The following SUOX variants were observed in gnomAD, a reference collection of about 807,000 sequenced individuals.
The protein encoded by SUOX is sulfite oxidase.
SUOX carries 39 observed loss-of-function variants against 41.9 expected under a neutral mutation model. The ratio of observed to expected loss-of-function variants is 0.93; its 90% CI spans 0.72 to 1.21. The LOEUF (loss-of-function observed/expected upper bound fraction) is 1.21, where lower values mean the gene tolerates loss of function less well. SUOX is among the 50% of genes most tolerant of loss of function. The pLI is 0.00. For missense variants in SUOX, 633 were observed against 689.5 expected, an observed-to-expected ratio of 0.92 and a Z score of 0.92; for synonymous variants, 220 against 268.4, an observed-to-expected ratio of 0.82 and a Z score of 1.76.
At chr12:55,999,047 C>T (rs1259234820) in intron 2 of SUOX, among the ~76,000 whole-genome samples, 5 of 151,794 alleles carry the variant, frequency 3.3e-5, no homozygotes, top group African/African-American at 9.7e-5. Context: ...CTCCTGGAGT[C>T]AAGTGATCCT....
rs908790049 is a variant in SUOX at position 56,004,669 on chromosome 12, C to T, written c.1280C>T (p.Ser427Leu). The stretch of plus-strand genomic sequence containing the variant: ...TCCATTCAGGAACTTCCTGTCCAGT[C>T]GGCCATCACAGAGCCCCGGGATGGA... ...APSIQELPVQSAITEPRDGET... is the reference protein window; with the variant it reads ...APSIQELPVQLAITEPRDGET... The change falls in exon 5 of 5, where the codon TCG (serine) becomes TTG (leucine). Residue 427 changes from serine (S) to leucine (L), a missense_variant. Physicochemically the swap from Ser to Leu is moderately radical, Grantham distance 145. Coordinates refer to ENST00000266971, the MANE Select transcript of SUOX (RefSeq NM_001032386.2). The surrounding 1 kb of genome is among the most constrained non-coding windows in gnomAD (Gnocchi z 4.5). 1 of 1,613,872 alleles carries T rather than the reference C, an allele frequency of 6.2e-7. No homozygotes were observed. The highest frequency in any genetic ancestry group is 8.5e-7 in the Non-Finnish European group (1 of 1,179,802).
rs1178102765 is a variant in SUOX, at chr12:56,005,521, C to A, written c.*494C>A. The A allele has an allele frequency of 2.0e-5, 6 of 299,374 alleles. No individual in the cohort carries two copies. The highest frequency in any genetic ancestry group is 3.1e-5 in the Non-Finnish European group (5 of 161,680). The allele number at this position is 299,374 out of a possible 1,614,324, so 18.5% of individuals were successfully genotyped here. ...TTCTAATAAATAGTCTGTTTAAGAT[C>A]ATAACTCTTGGGCCTGGGGAGTGAG... On this transcript the variant is annotated 3_prime_UTR_variant, in exon 5 of 5. Transcript: ENST00000266971.
Position 56,005,031 on chromosome 12 carries a change from T to A in SUOX, c.*4T>A, listed in dbSNP as rs775204640. On this transcript the variant is annotated 3_prime_UTR_variant, in exon 5 of 5. Coordinates refer to ENST00000266971, the MANE Select transcript of SUOX (RefSeq NM_001032386.2). ...CCATGTCTATGTCTCCCCATGAGCA[T>A]GGAAAGGAGCCACCTCCACCCCTTT... 1.9e-6 allele frequency: 3 copies of A among 1,609,492 alleles called. No homozygotes were observed. The highest frequency in any genetic ancestry group is 2.5e-6 in the Non-Finnish European group (3 of 1,179,992).
intron 3 of SUOX, 106 bp downstream of exon 3, chr12:56,002,377 A>G: frequency 2.0e-6 from 3 of 1,497,864 alleles, no homozygotes; most frequent in Non-Finnish European, 2.8e-6. Context: ...GAGTGTGTCC[A>G]GGGAGGACAG....
At position 56,004,161 on chromosome 12, in the gene SUOX, A is replaced by T; in HGVS notation, c.772A>T (p.Ile258Phe). 1 of 1,614,140 alleles carries T rather than the reference A, an allele frequency of 6.2e-7. No individual in the cohort carries two copies. Among genetic ancestry groups the T allele is most frequent in the Non-Finnish European group, 8.5e-7 (1 of 1,180,016 alleles). Residue 258 changes from isoleucine (I) to phenylalanine (F), a missense_variant, in exon 5 of 5, where the codon ATC (isoleucine) becomes TTC (phenylalanine). Ile to Phe is a conservative substitution (Grantham distance 21, BLOSUM62 0). Transcript: ENST00000266971. This position sits in a 1 kb window ranked among gnomAD's most constrained non-coding sequence, Gnocchi z 4.5. ...CTTGCACAACTTTCCCAGGTACGAGATCACAGTCACTCTGCAGTGTGCCGG... is the reference window on the plus strand; with the variant it reads ...CTTGCACAACTTTCCCAGGTACGAGTTCACAGTCACTCTGCAGTGTGCCGG... The part of the protein sequence containing the change: ...DDLHNFPRYE[I>F]TVTLQCAGNR...
At chr12:56,003,449 C>T (rs1276725416) in intron 4 of SUOX, among the ~76,000 whole-genome samples, 169 bp from the exon 5 acceptor site, 2 of 152,024 alleles carry the variant, frequency 1.3e-5, no homozygotes, top group African/African-American at 4.8e-5. Context: ...TTAGTAGAGA[C>T]AGGGCTTCTC....
intron 3 of SUOX, 63 bp downstream of exon 3, chr12:56,002,334 C>A: frequency 1.3e-6 from 2 of 1,574,268 alleles, no homozygotes; most frequent in Non-Finnish European, 1.7e-6. Context: ...GTGTCTTTTA[C>A]AATGTCATAC....
Position 56,003,919 on chromosome 12 carries a change from C to G in SUOX, c.530C>G (p.Ala177Gly). Reference sequence around the variant, plus strand: ...ACCGTGGAGACCTCTGACCCTTATGCTGATGATCCTGTACGTCACCCAGCC... The same window carrying G: ...ACCGTGGAGACCTCTGACCCTTATGGTGATGATCCTGTACGTCACCCAGCC... ...APTVETSDPY[A>G]DDPVRHPALK... The change falls in exon 5 of 5, where the codon GCT becomes GGT. Residue 177 changes from alanine to glycine, a missense_variant. Coordinates refer to ENST00000266971, the MANE Select transcript of SUOX (RefSeq NM_001032386.2). 7 of 1,614,118 alleles carry G rather than the reference C, an allele frequency of 4.3e-6. No homozygotes were observed. The highest frequency in any genetic ancestry group is 5.1e-6 in the Non-Finnish European group (6 of 1,180,018).
chr12:56,000,629 G>A (rs374227303), intron 2 of SUOX, among the ~76,000 whole-genome samples: 5 of 152,312 alleles, frequency 3.3e-5, no homozygotes, highest in East Asian at 3.9e-4. Context: ...CTCAAGTGCC[G>A]CCAAAGTGGG....
At chr12:55,998,139 C>A (rs1397857859) in intron 2 of SUOX, among the ~76,000 whole-genome samples, 2 of 152,042 alleles carry the variant, frequency 1.3e-5, no homozygotes, top group Non-Finnish European at 2.9e-5. Flanking sequence ...GACTGAAAAG[C>A]CTTCAAAGAC....
chr12:56,000,282 C>T (rs890439978), intron 2 of SUOX, among the ~76,000 whole-genome samples: 1 of 152,262 alleles, frequency 6.6e-6, no homozygotes, highest in Non-Finnish European at 1.5e-5. Context: ...GTCCCGAGCC[C>T]TGCCCCGCGG....
In SUOX at chr12:56,004,253, C is replaced by T. The variant is rs1283008711; in HGVS notation, c.864C>T (p.Ile288=). 4.3e-6 allele frequency: 7 copies of T among 1,613,958 alleles called. No homozygotes were observed. The South Asian group carries it at 7.7e-5, about 18-fold the overall frequency. The part of the protein sequence containing the change: ...VKGLEWRTGA[I]STARWAGARL... ...GTCTGGAGTGGAGAACAGGAGCCAT[C>T]AGCACTGCACGCTGGGCTGGGGCAC... is the stretch of plus-strand genomic sequence containing the variant. The change falls in exon 5 of 5, where the codon ATC becomes ATT. Residue 288 remains isoleucine (I), a synonymous_variant. Coordinates refer to ENST00000266971, the MANE Select transcript of SUOX (RefSeq NM_001032386.2). This position sits in a 1 kb window ranked among gnomAD's most constrained non-coding sequence, Gnocchi z 4.5.
Position 56,004,771 on chromosome 12 carries a change from A to G in SUOX, c.1382A>G (p.Asp461Gly), listed in dbSNP as rs759255030. 3 of 1,614,072 alleles carry G rather than the reference A, an allele frequency of 1.9e-6. No individual in the cohort carries two copies. Among genetic ancestry groups the G allele is most frequent in the Non-Finnish European group, 1.7e-6 (2 of 1,179,992 alleles). The stretch of plus-strand genomic sequence containing the variant: ...GGTGGCAGGGCTGTGATCCGGGTGG[A>G]TGTGTCTCTGGATGGGGGCCTAACC... ...SGGGRAVIRVDVSLDGGLTWQ... is the reference protein window; with the variant it reads ...SGGGRAVIRVGVSLDGGLTWQ... Residue 461 changes from aspartate (D) to glycine (G), a missense_variant, in exon 5 of 5, where the codon GAT (aspartate) becomes GGT (glycine). Asp to Gly is a moderately conservative substitution (Grantham distance 94). Coordinates refer to ENST00000266971, the MANE Select transcript of SUOX (RefSeq NM_001032386.2). This position sits in a 1 kb window ranked among gnomAD's most constrained non-coding sequence, Gnocchi z 4.5.
chr12:56,003,543 G>A (rs1016187213), intron 4 of SUOX, 75 bp from the exon 5 acceptor site: 27 of 1,450,634 alleles, frequency 1.9e-5, no homozygotes, highest in Non-Finnish European at 2.5e-5. Context: ...TTACAGTTGT[G>A]AGTCACCACG....
Position 56,001,118 on chromosome 12 carries a change from C to CTTTTTT in SUOX, c.-10-1075_-10-1070dup, listed in dbSNP as rs1234069085. 6.6e-4 allele frequency among the ~76,000 whole-genome samples: 34 copies of CTTTTTT among 51,272 alleles called. 1 individual carries two copies. The highest frequency in any genetic ancestry group is 2.0e-3 in the East Asian group (3 of 1,500). The allele number at this position is 51,272 out of a possible 152,430, so 33.6% of individuals were successfully genotyped here. ...TATTTTGTTATTGTTGTTAATCTCT[C>CTTTTTT]TTTTTTTTTTTTTTTTTTTTTTTTG... On this transcript the variant is annotated intron_variant, in intron 2 of 4. Transcript: ENST00000266971.
Position 56,004,914 on chromosome 12 carries a change from A to G in SUOX, c.1525A>G (p.Lys509Glu), listed in dbSNP as rs772191992. ...ACAAAAGGAACTGAACATTGTTTGT[A>G]AGGCTGTGGATGATGGTTACAATGT... ...AGQKELNIVC[K>E]AVDDGYNVQP... is the part of the protein sequence containing the mutation. Residue 509 changes from lysine (K) to glutamate (E), a missense_variant, in exon 5 of 5, where the codon AAG (lysine) becomes GAG (glutamate). By Grantham distance (56) the Lys-to-Glu change is moderately conservative. Transcript: ENST00000266971. This position sits in a 1 kb window ranked among gnomAD's most constrained non-coding sequence, Gnocchi z 4.5. 3 of 1,614,146 alleles carry G rather than the reference A, an allele frequency of 1.9e-6. No homozygotes were observed. The highest frequency in any genetic ancestry group is 2.5e-6 in the Non-Finnish European group (3 of 1,180,020).
At position 56,005,518 on chromosome 12, in the gene SUOX, G is replaced by C. The variant is rs926017030; in HGVS notation, c.*491G>C. On this transcript the variant is annotated 3_prime_UTR_variant, in exon 5 of 5. Transcript: ENST00000266971. ...CTTTTCTAATAAATAGTCTGTTTAA[G>C]ATCATAACTCTTGGGCCTGGGGAGT... The C allele has an allele frequency of 3.2e-6, 1 of 309,678 alleles. No individual in the cohort carries two copies. Among genetic ancestry groups the C allele is most frequent in the African/African-American group, 2.1e-5 (1 of 47,210 alleles). 19.2% of individuals were successfully genotyped at this position (309,678 alleles called of 1,614,324 possible).
intron 2 of SUOX, chr12:56,001,797 C>A: frequency 2.1e-6 from 1 of 465,942 alleles, no homozygotes; most frequent in Non-Finnish European, 2.9e-6. Flanking sequence ...CTTTTTTATC[C>A]CTGTTTAAGT....
chr12:56,004,279 G>C lies in SUOX; in HGVS notation c.890G>C (p.Arg297Pro). ...AGCACTGCACGCTGGGCTGGGGCAC[G>C]GCTCTGTGATGTGTTAGCCCAGGCT... The part of the protein sequence containing the change: ...AISTARWAGA[R>P]LCDVLAQAGH... Residue 297 changes from arginine (R) to proline (P), a missense_variant, in exon 5 of 5, where the codon CGG becomes CCG. Coordinates refer to ENST00000266971, the MANE Select transcript of SUOX (RefSeq NM_001032386.2). The surrounding 1 kb of genome is among the most constrained non-coding windows in gnomAD (Gnocchi z 4.5). The C allele has an allele frequency of 1.9e-6, 3 of 1,614,068 alleles. No homozygotes were observed. The highest frequency in any genetic ancestry group is 2.5e-6 in the Non-Finnish European group (3 of 1,180,010).
Sources: gnomAD v4.1 joint callset for allele counts (sites outside exome capture counted in the v4.1 genomes callset) on GRCh38, gnomAD v4.1.1 for gene constraint, Gnocchi (gnomAD v3.1) non-coding constraint, MANE v1.5 for transcripts, NCBI Gene and HGNC (gene_info 2026-07-23, HGNC 2026-07-21) for gene names.